Variants in TNIK observed in about 807,000 individuals in gnomAD.
TNIK encodes TRAF2 and NCK-interacting protein kinase.
Under a neutral mutation model 191.3 loss-of-function variants are expected in TNIK, and 49 were observed. The observed-to-expected ratio is 0.26, with a 90% CI of 0.20 to 0.32. The LOEUF is 0.32. TNIK is among the 10% of genes least tolerant of loss of function. The probability of loss-of-function intolerance (pLI) is 1.00; values close to 1 mark genes in which losing one functional copy is unlikely to be tolerated. For missense variants in TNIK, 1,155 were observed against 1,702.3 expected (o/e 0.68, Z 5.66); for synonymous variants, 594 against 600.9 (o/e 0.99, Z 0.17).
chr3:171,311,620 T>A (rs1465168834), intron 2 of TNIK, among the ~76,000 whole-genome samples: 1 of 152,092 alleles, frequency 6.6e-6, no homozygotes, highest in Non-Finnish European at 1.5e-5. Flanking sequence ...CTGGAAGTAA[T>A]CTCTTAGTAT....
intron 1 of TNIK, among the ~76,000 whole-genome samples, chr3:171,407,421 A>T (rs1721838467): frequency 6.6e-6 from 1 of 152,126 alleles, no homozygotes; most frequent in South Asian, 2.1e-4. Flanking sequence ...GCTTTGGTCC[A>T]TTTCTTCTCA....
intron 4 of TNIK, among the ~76,000 whole-genome samples, chr3:171,209,933 C>T (rs568606945): frequency 1.3e-5 from 2 of 152,156 alleles, no homozygotes; most frequent in South Asian, 2.1e-4. Context: ...TACTTCTGCC[C>T]GAGGCTGAGT....
At chr3:171,335,736 T>C (rs769983694) in intron 2 of TNIK, among the ~76,000 whole-genome samples, 7 of 152,234 alleles carry the variant, frequency 4.6e-5, no homozygotes, top group Admixed American at 4.6e-4. Flanking sequence ...GACCATTCAA[T>C]ACAGATCTTG....
At position 171,082,619 on chromosome 3, in the gene TNIK, A is replaced by G. The variant is rs964567296; in HGVS notation, c.3170-225T>C. The G allele has an allele frequency of 1.7e-5, 9 of 517,686 alleles. No individual in the cohort carries two copies. The South Asian group carries it at 3.2e-4, about 18-fold the overall frequency. 32.1% of individuals were successfully genotyped at this position (517,686 alleles called of 1,614,324 possible). On this transcript the variant is annotated intron_variant, in intron 26 of 32. Transcript: ENST00000436636. ...TTTATAAAGTTAGCAGCATTCATAC[A>G]TCTAGTTATTTACTACCTAATGCAG... is the stretch of plus-strand genomic sequence containing the variant.
intron 1 of TNIK, among the ~76,000 whole-genome samples, chr3:171,381,949 C>T (rs1019368978): frequency 1.3e-5 from 2 of 152,190 alleles, no homozygotes; most frequent in Non-Finnish European, 2.9e-5. Flanking sequence ...ATGGTTCTGA[C>T]GATCATGGAG....
Position 171,260,523 on chromosome 3 carries a change from C to T in TNIK, c.124-32302G>A, listed in dbSNP as rs112924211. 4.1e-4 allele frequency among the ~76,000 whole-genome samples: 63 copies of T among 152,120 alleles called. No homozygotes were observed. In the Middle Eastern group the frequency reaches 0.017, roughly 41 times the overall value. ...GAGGGGAAGGATGTGTTGATTTGGC[C>T]GGGGTGGATGGAGAGAGTGACTAGG... On this transcript the variant is annotated intron_variant, in intron 2 of 32. Transcript: ENST00000436636.
At chr3:171,157,864 C>G (rs368871807) in intron 11 of TNIK, among the ~76,000 whole-genome samples, 200 bp from the exon 12 acceptor site, 3 of 152,194 alleles carry the variant, frequency 2.0e-5, no homozygotes, top group Non-Finnish European at 4.4e-5. Flanking sequence ...CCTTTCAGTA[C>G]GACTGTGGCC....
intron 2 of TNIK, among the ~76,000 whole-genome samples, chr3:171,354,438 G>T (rs6780532): frequency 0.29 from 43,909 of 151,926 alleles, 6,929 homozygotes; most frequent in East Asian, 0.5. Flanking sequence ...ACCTCGGAGG[G>T]CCAAAAGGGC....
At chr3:171,403,611 C>CCAAACAAAAA (rs1721253634) in intron 1 of TNIK, among the ~76,000 whole-genome samples, 1 of 100,168 alleles carries the variant, frequency 1.0e-5, no homozygotes, top group Non-Finnish European at 1.9e-5. Context: ...GACTCCGTAT[C>CCAAACAAAAA]AAAAAAAAAA....
chr3:171,428,463 C>A (rs142223184), intron 1 of TNIK, among the ~76,000 whole-genome samples: 2 of 152,066 alleles, frequency 1.3e-5, no homozygotes, highest in African/African-American at 2.4e-5. Flanking sequence ...CTTCCTGCCC[C>A]CTGTGGTCAA....
At chr3:171,075,739 T>TTTTTTTTTTTCCAAAAGCTGCTA (rs1719816572) in intron 28 of TNIK, among the ~76,000 whole-genome samples, 1 of 145,900 alleles carries the variant, frequency 6.9e-6, no homozygotes, top group African/African-American at 2.5e-5. Flanking sequence ...AAAGCTGCTA[T>TTTTTTTTTTTCCAAAAGCTGCTA]TTTTTTTTTT....
intron 1 of TNIK, among the ~76,000 whole-genome samples, chr3:171,383,767 C>T (rs9883206): frequency 0.68 from 103,209 of 151,782 alleles, 36,612 homozygotes; most frequent in East Asian, 0.85. Context: ...TGTGGCGTTT[C>T]AGCCAGGCCA....
chr3:171,063,770 A>T lies in TNIK; in HGVS notation c.*111T>A. 1 of 1,039,216 alleles carries T rather than the reference A, an allele frequency of 9.6e-7. No homozygotes were observed. Among genetic ancestry groups the T allele is most frequent in the Non-Finnish European group, 1.4e-6 (1 of 710,114 alleles). The allele number at this position is 1,039,216 out of a possible 1,614,324, so 64.4% of individuals were successfully genotyped here. The stretch of plus-strand genomic sequence containing the variant: ...AGGGAGAGGAAAAAGGGAAAGCGAT[A>T]TGTTCAACCAAGCCTTCTGATTCTG... On this transcript the variant is annotated 3_prime_UTR_variant, in exon 33 of 33. Coordinates refer to ENST00000436636, the MANE Select transcript of TNIK (RefSeq NM_015028.4).
chr3:171,282,982 C>T (rs1320518985), intron 2 of TNIK, among the ~76,000 whole-genome samples: 1 of 149,228 alleles, frequency 6.7e-6, no homozygotes, highest in Non-Finnish European at 1.5e-5. Flanking sequence ...TCTGCACAAT[C>T]AGAGTGGAAC....
intron 1 of TNIK, among the ~76,000 whole-genome samples, chr3:171,413,736 T>C (rs1351597425): frequency 6.6e-6 from 1 of 152,198 alleles, no homozygotes; most frequent in African/African-American, 2.4e-5. Flanking sequence ...AAGGATACTA[T>C]ATGCAACTTG....
At chr3:171,196,730 G>A (rs908576990) in intron 4 of TNIK, among the ~76,000 whole-genome samples, 5 of 151,976 alleles carry the variant, frequency 3.3e-5, no homozygotes, top group African/African-American at 9.7e-5. Flanking sequence ...TTCTGAATAC[G>A]GACTTAGATA....
At chr3:171,208,969 A>T (rs1005895308) in intron 4 of TNIK, among the ~76,000 whole-genome samples, 2 of 152,068 alleles carry the variant, frequency 1.3e-5, no homozygotes, top group African/African-American at 4.8e-5. Context: ...TTCTACATAC[A>T]TCCTTATGTA....
chr3:171,217,711 T>C (rs182122734), intron 3 of TNIK, among the ~76,000 whole-genome samples: 3 of 152,250 alleles, frequency 2.0e-5, no homozygotes, highest in Admixed American at 6.6e-5. Context: ...GACACAGATA[T>C]GAATCAAAGA....
At chr3:171,154,992 T>A (rs1406251097) in intron 12 of TNIK, among the ~76,000 whole-genome samples, 1 of 152,164 alleles carries the variant, frequency 6.6e-6, no homozygotes, top group Non-Finnish European at 1.5e-5. Flanking sequence ...TCATAAATAG[T>A]AAAGGACATG....
Sources: allele counts gnomAD v4.1 joint callset (sites outside exome capture counted in the v4.1 genomes callset), GRCh38; gene constraint gnomAD v4.1.1; transcripts MANE v1.5; gene names NCBI Gene and HGNC (gene_info 2026-07-23, HGNC 2026-07-21).